The following EMC1 variants were observed in gnomAD, a reference collection of about 807,000 sequenced individuals.
The protein encoded by EMC1 is ER membrane protein complex subunit 1, also known as KIAA0090.
EMC1 carries 103 observed loss-of-function variants against 128.8 expected under a neutral mutation model. That is an observed-to-expected ratio of 0.80 (90% confidence interval 0.68 to 0.94). The LOEUF is 0.94. Ranked by LOEUF, EMC1 falls within the 40% of genes least tolerant of loss-of-function variation. The probability of loss-of-function intolerance (pLI) is 0.00; values close to 1 mark genes in which losing one functional copy is unlikely to be tolerated. For synonymous variants in EMC1, 442 were observed against 490.4 expected (o/e 0.90, Z 1.30); for missense variants, 1,083 against 1,250.6 (o/e 0.87, Z 2.02).
chr1:19,230,421 T>G (rs965295921), intron 17 of EMC1, among the ~76,000 whole-genome samples: 1 of 149,004 alleles, frequency 6.7e-6, no homozygotes, highest in African/African-American at 2.5e-5. Flanking sequence ...ATACAAAAAA[T>G]TAGCCGGGCG....
rs774314720 is a variant in EMC1, at chr1:19,231,434, A to C, written c.1783-12T>G. The C allele has an allele frequency of 6.2e-7, 1 of 1,609,748 alleles. No individual in the cohort carries two copies. Among genetic ancestry groups the C allele is most frequent in the Non-Finnish European group, 8.5e-7 (1 of 1,178,814 alleles). ...CTCATTCCCGACTCCTAAAATGAGC[A>C]AACTGTCAGGCTCCACCAACAAGAA... On this transcript the variant is annotated splice_polypyrimidine_tract_variant and intron_variant, in intron 15 of 22. Transcript: ENST00000477853.
intron 16 of EMC1, 139 bp downstream of exon 16, chr1:19,231,122 C>T (rs1439480413): frequency 1.5e-6 from 2 of 1,310,110 alleles, no homozygotes; most frequent in Admixed American, 4.3e-5. Context: ...ACACAGCCAT[C>T]ATTTCTCTTC....
intron 13 of EMC1, chr1:19,234,277 G>C (rs1045231102): frequency 1.6e-6 from 1 of 630,546 alleles, no homozygotes; most frequent in Non-Finnish European, 2.0e-6. Flanking sequence ...GCCTGGTCCA[G>C]AGCAGGCCCT....
chr1:19,241,276 G>T (rs1047539029), intron 5 of EMC1, 134 bp from the exon 6 acceptor site: 17 of 969,460 alleles, frequency 1.8e-5, no homozygotes, highest in Non-Finnish European at 2.4e-5. Context: ...CACACAGTTT[G>T]GGGGCTTTTG....
rs1455056727 is a variant in EMC1 at position 19,242,476 on chromosome 1, G to C, written c.381-3C>G. 2 of 1,614,098 alleles carry C rather than the reference G, an allele frequency of 1.2e-6. No individual in the cohort carries two copies. Among genetic ancestry groups the C allele is most frequent in the Non-Finnish European group, 1.7e-6 (2 of 1,180,030 alleles). Reference sequence around the variant, plus strand: ...CAACCAGCCCAAGTGCCTGGAAACTGAACACAAGTACAGGTTGAGAGCAGC... The same window carrying C: ...CAACCAGCCCAAGTGCCTGGAAACTCAACACAAGTACAGGTTGAGAGCAGC... On this transcript the variant is annotated splice_region_variant and splice_polypyrimidine_tract_variant and intron_variant, in intron 4 of 22. Transcript: ENST00000477853.
At chr1:19,241,271 A>G (rs1572023338) in intron 5 of EMC1, 129 bp from the exon 6 acceptor site, 3 of 1,015,760 alleles carry the variant, frequency 3.0e-6, no homozygotes, top group East Asian at 4.9e-5. Context: ...TGGCTCACAC[A>G]GTTTGGGGGC....
rs540112783 is a variant in EMC1 at position 19,244,883 on chromosome 1, GAC to G, written c.220+21_220+22del. ...TCTTTCATCCCTGAGGCAGCCAGTA[GAC>G]ACAGTTCTCAGTTCACTCACAGATC... On this transcript the variant is annotated intron_variant, in intron 2 of 22. Coordinates refer to ENST00000477853, the MANE Select transcript of EMC1 (RefSeq NM_015047.3). 1.2e-3 allele frequency: 1,899 copies of G among 1,612,660 alleles called. 2 individuals carry two copies. Among genetic ancestry groups the G allele is most frequent in the Non-Finnish European group, 1.5e-3 (1,737 of 1,179,050 alleles).
rs1206019784 is a variant in EMC1 at position 19,220,753 on chromosome 1, G to T, written c.2672+11C>A. On this transcript the variant is annotated intron_variant, in intron 21 of 22. Coordinates refer to ENST00000477853, the MANE Select transcript of EMC1 (RefSeq NM_015047.3). ...GGTCAGAGCCTTCAGCACTGCCCATGAGGGTCTCACCTGCTTTGTTCTGTT... is the reference window on the plus strand; with the variant it reads ...GGTCAGAGCCTTCAGCACTGCCCATTAGGGTCTCACCTGCTTTGTTCTGTT... 6.2e-7 allele frequency: 1 copy of T among 1,608,842 alleles called. No homozygotes were observed. Among genetic ancestry groups the T allele is most frequent in the Non-Finnish European group, 8.5e-7 (1 of 1,176,398 alleles).
At chr1:19,237,067 C>T in intron 12 of EMC1, 75 bp downstream of exon 12, 1 of 1,106,928 alleles carries the variant, frequency 9.0e-7, no homozygotes, top group South Asian at 1.2e-5. Context: ...CTGCAGCCTC[C>T]CAAAAAACAG....
chr1:19,223,001 G>C lies in EMC1; in HGVS notation c.2377-167C>G, dbSNP rs905583687. On this transcript the variant is annotated intron_variant, in intron 19 of 22. Transcript: ENST00000477853. ...ATCAAGTTTACTAACTTTCAAAGTAGTTTTATCTAGGCTATCGAAAGTTCA... is the reference window on the plus strand; with the variant it reads ...ATCAAGTTTACTAACTTTCAAAGTACTTTTATCTAGGCTATCGAAAGTTCA... 10 of 600,744 alleles carry C rather than the reference G, an allele frequency of 1.7e-5. No individual in the cohort carries two copies. In the African/African-American group the frequency reaches 1.7e-4, roughly 10 times the overall value. 37.2% of individuals were successfully genotyped at this position (600,744 alleles called of 1,614,324 possible).
intron 1 of EMC1, among the ~76,000 whole-genome samples, chr1:19,247,915 T>C (rs1241510787): frequency 6.6e-6 from 1 of 152,038 alleles, no homozygotes; most frequent in Admixed American, 6.6e-5. Flanking sequence ...TCCCAGCTAC[T>C]TGGGAGGCTG....
intron 3 of EMC1, 65 bp downstream of exon 3, chr1:19,243,885 C>T (rs2093619500): frequency 6.4e-7 from 1 of 1,568,182 alleles, no homozygotes; most frequent in African/African-American, 1.4e-5. Flanking sequence ...CTGTACAGAT[C>T]AAGGAGCCAA....
chr1:19,239,469 T>A (rs917365740), intron 8 of EMC1, among the ~76,000 whole-genome samples, 167 bp from the exon 9 acceptor site: 1 of 152,176 alleles, frequency 6.6e-6, no homozygotes, highest in Admixed American at 6.5e-5. Flanking sequence ...CTCAGTTGCA[T>A]CTACAGCTGA....
Position 19,232,705 on chromosome 1 carries a change from G to C in EMC1, c.1701C>G (p.Asp567Glu), listed in dbSNP as rs2093532955. The change falls in exon 15 of 23, where the codon GAC (aspartate) becomes GAG (glutamate). Residue 567 changes from aspartate to glutamate, a missense_variant. Coordinates refer to ENST00000477853, the MANE Select transcript of EMC1 (RefSeq NM_015047.3). Reference protein sequence around the residue: ...WKQYLPNVKPDSSFKLMVQRT... With the variant: ...WKQYLPNVKPESSFKLMVQRT... ...TCTGGACCATCAGTTTAAAGGAGGA[G>C]TCTGGCTTGACATTGGGTAGATACT... 2 of 1,614,210 alleles carry C rather than the reference G, an allele frequency of 1.2e-6. No individual in the cohort carries two copies. Among genetic ancestry groups the C allele is most frequent in the Non-Finnish European group, 1.7e-6 (2 of 1,180,020 alleles).
At position 19,237,266 on chromosome 1, in the gene EMC1, G is replaced by A. The variant is rs763914456; in HGVS notation, c.1213-28C>T. On this transcript the variant is annotated intron_variant, in intron 11 of 22. Coordinates refer to ENST00000477853, the MANE Select transcript of EMC1 (RefSeq NM_015047.3). ...ATAAGCCACAGTCAAGACCGGTGTAGTCAGTGAGGATCCAAATGCCTCTGA... is the reference window on the plus strand; with the variant it reads ...ATAAGCCACAGTCAAGACCGGTGTAATCAGTGAGGATCCAAATGCCTCTGA... 7.7e-6 allele frequency: 12 copies of A among 1,551,086 alleles called. No homozygotes were observed. The South Asian group carries it at 1.1e-4, about 14-fold the overall frequency.
intron 21 of EMC1, chr1:19,220,209 T>A (rs1182400540): frequency 6.1e-6 from 1 of 163,828 alleles, no homozygotes; most frequent in African/African-American, 2.4e-5. Flanking sequence ...GACAAGATGG[T>A]GGTTGTTAAT....
chr1:19,240,110 G>T (rs2093595478), intron 7 of EMC1, 125 bp from the exon 8 acceptor site: 3 of 1,218,370 alleles, frequency 2.5e-6, no homozygotes, highest in Non-Finnish European at 3.4e-6. Context: ...GGCTCCAAAT[G>T]CTCCAGTTCA....
At chr1:19,231,116 A>G in intron 16 of EMC1, 145 bp downstream of exon 16, 1 of 1,305,426 alleles carries the variant, frequency 7.7e-7, no homozygotes, top group Non-Finnish European at 1.1e-6. Context: ...ATGCAGACAC[A>G]GCCATCATTT....
Position 19,219,555 on chromosome 1 carries a change from TG to T in EMC1, c.2802+13del, listed in dbSNP as rs755027275. ...CACCAAGGGTGAAATAGGGCAGCTG[TG>T]GGCTCTACTCACCAAACAAGTGGAC... is the stretch of plus-strand genomic sequence containing the variant. On this transcript the variant is annotated intron_variant, in intron 22 of 22. Coordinates refer to ENST00000477853, the MANE Select transcript of EMC1 (RefSeq NM_015047.3). The T allele has an allele frequency of 1.8e-5, 29 of 1,613,988 alleles. No homozygotes were observed. In the African/African-American group the frequency reaches 3.3e-4, roughly 19 times the overall value.
Sources: gnomAD v4.1 joint callset for allele counts (sites outside exome capture counted in the v4.1 genomes callset) on GRCh38, gnomAD v4.1.1 for gene constraint, MANE v1.5 for transcripts, NCBI Gene and HGNC (gene_info 2026-07-23, HGNC 2026-07-21) for gene names.